Variants in BACE1 observed in about 807,000 individuals in gnomAD.
BACE1 encodes the protein APP beta-secretase.
Under a neutral mutation model 54.0 loss-of-function variants are expected in BACE1, and 21 were observed. That is an observed-to-expected ratio of 0.39 (90% CI 0.28 to 0.56). BACE1 has a LOEUF of 0.56. Ranked by LOEUF, BACE1 falls within the 20% of genes least tolerant of loss-of-function variation. The probability of loss-of-function intolerance (pLI) is 0.63; values close to 1 mark genes in which losing one functional copy is unlikely to be tolerated. For missense variants in BACE1, 511 were observed against 661.2 expected, an observed-to-expected ratio of 0.77 and a Z score of 2.49; for synonymous variants, 232 against 260.9, an observed-to-expected ratio of 0.89 and a Z score of 1.07.
chr11:117,289,402 C>A lies in BACE1; in HGVS notation c.*164G>T, dbSNP rs915139410. Reference sequence around the variant, plus strand: ...CTACAGGTACAGTCCCTGGAACCCACCTTGCCAGCCTTTTCCTTCTCCATC... The same window carrying A: ...CTACAGGTACAGTCCCTGGAACCCAACTTGCCAGCCTTTTCCTTCTCCATC... On this transcript the variant is annotated 3_prime_UTR_variant, in exon 9 of 9. Transcript: ENST00000313005. 87 of 1,242,952 alleles carry A rather than the reference C, an allele frequency of 7.0e-5. No homozygotes were observed. Among genetic ancestry groups the A allele is most frequent in the Non-Finnish European group, 8.5e-5 (78 of 921,676 alleles). 77.0% of individuals were successfully genotyped at this position (1,242,952 alleles called of 1,614,324 possible).
intron 1 of BACE1, among the ~76,000 whole-genome samples, chr11:117,301,984 A>G (rs545402465): frequency 1.3e-5 from 2 of 152,322 alleles, no homozygotes; most frequent in South Asian, 4.1e-4. Context: ...TGATCTTTTC[A>G]AAGTGCAAAT....
At chr11:117,311,858 C>T (rs983214540) in intron 1 of BACE1, among the ~76,000 whole-genome samples, 4 of 152,122 alleles carry the variant, frequency 2.6e-5, no homozygotes, top group African/African-American at 4.8e-5. Context: ...CCAGGTTGGT[C>T]TCGAACTCCT....
chr11:117,298,491 C>A (rs559970553), intron 1 of BACE1, among the ~76,000 whole-genome samples: 1 of 152,308 alleles, frequency 6.6e-6, no homozygotes, highest in African/African-American at 2.4e-5. Context: ...CTTTTCAATT[C>A]TCCCAGGAAG....
At chr11:117,312,522 G>A (rs1228846932) in intron 1 of BACE1, among the ~76,000 whole-genome samples, 1 of 152,086 alleles carries the variant, frequency 6.6e-6, no homozygotes, top group Non-Finnish European at 1.5e-5. Context: ...GAGTGCAATG[G>A]CGTGATCTCG....
intron 1 of BACE1, among the ~76,000 whole-genome samples, chr11:117,309,715 A>C (rs1051913363): frequency 6.6e-6 from 1 of 152,156 alleles, no homozygotes; most frequent in Non-Finnish European, 1.5e-5. Flanking sequence ...TCTATGTCTC[A>C]CATCAGATTG....
Position 117,290,920 on chromosome 11 carries a change from G to A in BACE1, c.1072C>T (p.Arg358Cys), listed in dbSNP as rs376235700. Residue 358 changes from arginine to cysteine, a missense_variant, in exon 7 of 9, where the codon CGC becomes TGC. Coordinates refer to ENST00000313005, the MANE Select transcript of BACE1 (RefSeq NM_012104.6). ...LMGEVTNQSFRITILPQQYLR... is the reference protein window; with the variant it reads ...LMGEVTNQSFCITILPQQYLR... ...CATACCTGCGGAAGGATGGTGATGC[G>A]GAAGGACTGGTTGGTAACCTCACCC... The A allele has an allele frequency of 6.2e-6, 10 of 1,614,024 alleles. No individual in the cohort carries two copies. The highest frequency in any genetic ancestry group is 2.2e-5 in the South Asian group (2 of 91,086).
Position 117,315,914 on chromosome 11 carries a change from G to A in BACE1, c.-119C>T, listed in dbSNP as rs1244519006. ...CAGGAGAGGGAGCTTGGGGGCATCAGGACGCCAGGGCCTGCAGGGCCCTGG... is the reference window on the plus strand; with the variant it reads ...CAGGAGAGGGAGCTTGGGGGCATCAAGACGCCAGGGCCTGCAGGGCCCTGG... On this transcript the variant is annotated 5_prime_UTR_variant, in exon 1 of 9. Transcript: ENST00000313005. This position sits in a 1 kb window ranked among gnomAD's most constrained non-coding sequence, Gnocchi z 5.5. 1.7e-6 allele frequency: 2 copies of A among 1,191,910 alleles called. No individual in the cohort carries two copies. Among genetic ancestry groups the A allele is most frequent in the Non-Finnish European group, 2.2e-6 (2 of 913,410 alleles). The allele number at this position is 1,191,910 out of a possible 1,614,324, so 73.8% of individuals were successfully genotyped here. A position where few individuals can be genotyped will look rare whatever the true frequency, so the allele number is the denominator to read the frequency against.
chr11:117,299,526 T>G (rs1005523594), intron 1 of BACE1: 21 of 288,938 alleles, frequency 7.3e-5, no homozygotes, highest in African/African-American at 7.0e-5. Flanking sequence ...CCTCCTGGCC[T>G]CCTCACATCC....
At chr11:117,301,121 C>T (rs908633514) in intron 1 of BACE1, among the ~76,000 whole-genome samples, 1 of 152,190 alleles carries the variant, frequency 6.6e-6, no homozygotes, top group African/African-American at 2.4e-5. Context: ...TTCTCAGGTC[C>T]TGTGTTCTCT....
At position 117,293,303 on chromosome 11, in the gene BACE1, AC is replaced by A; in HGVS notation, c.706-116del. 9.3e-7 allele frequency: 1 copy of A among 1,076,260 alleles called. No homozygotes were observed. The highest frequency in any genetic ancestry group is 1.3e-6 in the Non-Finnish European group (1 of 753,712). The allele number at this position is 1,076,260 out of a possible 1,614,324, so 66.7% of individuals were successfully genotyped here. On this transcript the variant is annotated intron_variant, in intron 4 of 8. Transcript: ENST00000313005. This position sits in a 1 kb window ranked among gnomAD's most constrained non-coding sequence, Gnocchi z 4.1. ...GGGGTGGCAAGGTCTTCTACAGGCT[AC>A]CCTTTTCATCTTCCTGCTTCTAAAC... is the stretch of plus-strand genomic sequence containing the variant.
intron 1 of BACE1, among the ~76,000 whole-genome samples, chr11:117,307,375 G>GCA: frequency 1.3e-5 from 2 of 152,260 alleles, no homozygotes; most frequent in African/African-American, 4.8e-5. Flanking sequence ...GCAGTGGCAT[G>GCA]ATGTTGGCTC....
In BACE1 at chr11:117,286,427, C is replaced by CT. The variant is rs1424934273; in HGVS notation, c.*3138dup. On this transcript the variant is annotated 3_prime_UTR_variant, in exon 9 of 9. Transcript: ENST00000313005. ...CAGGGAATGGCCTCAGCTCCCTTCT[C>CT]TTTTAGAATTAAACAAGTAAAAACT... 1.3e-5 allele frequency: 2 copies of CT among 152,154 alleles called. No individual in the cohort carries two copies. Among genetic ancestry groups the CT allele is most frequent in the African/African-American group, 4.8e-5 (2 of 41,424 alleles). 9.4% of individuals were successfully genotyped at this position (152,154 alleles called of 1,614,324 possible).
intron 2 of BACE1, chr11:117,295,747 CTAGTGG>C: frequency 1.4e-6 from 2 of 1,424,728 alleles, no homozygotes; most frequent in Non-Finnish European, 9.2e-7. Flanking sequence ...GCCTTGGAAC[CTAGTGG>C]TACCATCCGA....
At chr11:117,294,885 C>CA (rs879761014) in intron 3 of BACE1, among the ~76,000 whole-genome samples, 70 of 139,442 alleles carry the variant, frequency 5.0e-4, no homozygotes, top group Middle Eastern at 3.7e-3. Context: ...AACTCCGTCT[C>CA]AAAAAAAAAA....
In BACE1 at chr11:117,294,000, G is replaced by A; in HGVS notation, c.576C>T (p.Asp192=). Residue 192 remains aspartate, a synonymous_variant, in exon 4 of 9, where the codon GAC becomes GAT. Coordinates refer to ENST00000313005, the MANE Select transcript of BACE1 (RefSeq NM_012104.6). This position sits in a 1 kb window ranked among gnomAD's most constrained non-coding sequence, Gnocchi z 4.1. ...GAGAGTCAAAGAAAGGCTCCAGGGA[G>A]TCGTCAGGCTTTGGCAGAAAGAGAC... ...LAYAEIARPD[D]SLEPFFDSLV... 2 of 1,613,598 alleles carry A rather than the reference G, an allele frequency of 1.2e-6. No homozygotes were observed. The highest frequency in any genetic ancestry group is 2.2e-5 in the South Asian group (2 of 91,004).
intron 1 of BACE1, among the ~76,000 whole-genome samples, chr11:117,305,632 C>T (rs962757342): frequency 6.6e-6 from 1 of 151,938 alleles, no homozygotes; most frequent in South Asian, 2.1e-4. Context: ...TCTCCGCAGC[C>T]TGTAACCCGG....
chr11:117,307,689 C>T (rs894394847), intron 1 of BACE1, among the ~76,000 whole-genome samples: 1 of 152,172 alleles, frequency 6.6e-6, no homozygotes, highest in Non-Finnish European at 1.5e-5. Context: ...GACCTTCCAC[C>T]TTAGTGCTTT....
chr11:117,304,406 T>A (rs527580005), intron 1 of BACE1, among the ~76,000 whole-genome samples: 2 of 152,236 alleles, frequency 1.3e-5, no homozygotes, highest in Non-Finnish European at 2.9e-5. Flanking sequence ...AAATGATTCT[T>A]GTTTGGGCCA....
Position 117,290,586 on chromosome 11 carries a change from G to T in BACE1, c.1166C>A (p.Ser389Tyr). 1 of 1,614,248 alleles carries T rather than the reference G, an allele frequency of 6.2e-7. No individual in the cohort carries two copies. Among genetic ancestry groups the T allele is most frequent in the African/African-American group, 1.3e-5 (1 of 75,072 alleles). ...DCYKFAISQSSTGTVMGAVIM... is the reference protein window; with the variant it reads ...DCYKFAISQSYTGTVMGAVIM... ...AACAGCTCCCATAACAGTGCCCGTG[G>T]ATGACTGTGAGATGGCAAACTTGTA... is the stretch of plus-strand genomic sequence containing the variant. Residue 389 changes from serine to tyrosine, a missense_variant, in exon 8 of 9, where the codon TCC becomes TAC. This residue lies in a region of BACE1 where 407 missense variants were observed against 565.7 expected (regional missense o/e 0.72). Transcript: ENST00000313005.
Sources: gnomAD v4.1 joint callset for allele counts (sites outside exome capture counted in the v4.1 genomes callset) on GRCh38, gnomAD v4.1.1 for gene constraint, gnomAD v4.1.1 regional missense constraint, Gnocchi (gnomAD v3.1) non-coding constraint, MANE v1.5 for transcripts, NCBI Gene and HGNC (gene_info 2026-07-23, HGNC 2026-07-21) for gene names.